The following LHFPL2 variants were observed in gnomAD, a reference collection of about 807,000 sequenced individuals.
LHFPL2 encodes LHFPL tetraspan subfamily member 2.
A neutral mutation model predicts 17.5 loss-of-function variants in LHFPL2; 7 were observed. That is an observed-to-expected ratio of 0.40 (90% CI 0.23 to 0.75). LHFPL2 has a LOEUF of 0.75. Among genes scored for constraint, LHFPL2 ranks in the 30% least tolerant of loss-of-function variants. The pLI, the probability that LHFPL2 is intolerant of heterozygous loss-of-function variation, is 0.37. For synonymous variants in LHFPL2, 134 were observed against 116.2 expected, an observed-to-expected ratio of 1.15 and a Z score of -0.99; for missense variants, 241 against 294.8, an observed-to-expected ratio of 0.82 and a Z score of 1.34.
chr5:78,575,276 C>T (rs970796540), intron 2 of LHFPL2, among the ~76,000 whole-genome samples: 2 of 152,192 alleles, frequency 1.3e-5, no homozygotes, highest in Non-Finnish European at 1.5e-5. Flanking sequence ...GGGCCAGGCA[C>T]AGTGGCCCTC....
At chr5:78,547,949 G>A (rs1269764440) in intron 3 of LHFPL2, among the ~76,000 whole-genome samples, 2 of 152,238 alleles carry the variant, frequency 1.3e-5, no homozygotes, top group African/African-American at 2.4e-5. Context: ...AGGAAAGGCC[G>A]CTACATCTCC....
intron 3 of LHFPL2, among the ~76,000 whole-genome samples, chr5:78,533,616 C>G (rs1178006194): frequency 6.6e-6 from 1 of 152,174 alleles, no homozygotes; most frequent in Non-Finnish European, 1.5e-5. Context: ...CTGGTCAGAG[C>G]ACCCTTTTAA....
chr5:78,622,391 C>G (rs539139000), intron 2 of LHFPL2, among the ~76,000 whole-genome samples: 55 of 152,356 alleles, frequency 3.6e-4, no homozygotes, highest in African/African-American at 1.3e-3. Flanking sequence ...TAGGTTCCCT[C>G]ATTTAATCCT....
At chr5:78,531,942 T>G (rs1755796788) in intron 3 of LHFPL2, among the ~76,000 whole-genome samples, 1 of 151,266 alleles carries the variant, frequency 6.6e-6, no homozygotes, top group South Asian at 2.1e-4. Context: ...TTTTTTTTTT[T>G]GAGACAGAGT....
At chr5:78,603,825 A>C (rs1744114710) in intron 2 of LHFPL2, among the ~76,000 whole-genome samples, 1 of 152,246 alleles carries the variant, frequency 6.6e-6, no homozygotes, top group Admixed American at 6.5e-5. Context: ...ATTTGGGGTT[A>C]GCTAAGTACA....
At chr5:78,600,669 G>A (rs1039989686) in intron 2 of LHFPL2, among the ~76,000 whole-genome samples, 4 of 152,136 alleles carry the variant, frequency 2.6e-5, no homozygotes, top group Non-Finnish European at 4.4e-5. Context: ...TGGAGGCTGC[G>A]GTGAGCCAAG....
At chr5:78,562,115 G>A (rs1353431374) in intron 3 of LHFPL2, among the ~76,000 whole-genome samples, 3 of 152,142 alleles carry the variant, frequency 2.0e-5, no homozygotes, top group Non-Finnish European at 2.9e-5. Context: ...CCAGTGCCAG[G>A]GAACAGGCAG....
At chr5:78,641,860 T>G (rs1390240720) in intron 1 of LHFPL2, 1 of 151,904 alleles carries the variant, frequency 6.6e-6, no homozygotes, top group Non-Finnish European at 1.5e-5. Context: ...AAGTTCATCT[T>G]ACATTTTCTT....
chr5:78,502,669 T>C (rs950138415), intron 4 of LHFPL2, among the ~76,000 whole-genome samples: 5 of 151,514 alleles, frequency 3.3e-5, no homozygotes, highest in Admixed American at 6.6e-5. Flanking sequence ...CTGCAAAATG[T>C]AATGTGTAAC....
At chr5:78,609,979 G>A (rs1744361974) in intron 2 of LHFPL2, among the ~76,000 whole-genome samples, 1 of 152,098 alleles carries the variant, frequency 6.6e-6, no homozygotes, top group Non-Finnish European at 1.5e-5. Context: ...TCCTGCCCTG[G>A]GCAGCAGCTC....
intron 2 of LHFPL2, among the ~76,000 whole-genome samples, chr5:78,599,624 G>A (rs1265642081): frequency 6.6e-6 from 1 of 151,876 alleles, no homozygotes; most frequent in Non-Finnish European, 1.5e-5. Flanking sequence ...CTACCAGGTA[G>A]AGCATTATTA....
chr5:78,632,803 G>GTA (rs531555023), intron 1 of LHFPL2, among the ~76,000 whole-genome samples: 4 of 152,236 alleles, frequency 2.6e-5, no homozygotes, highest in Admixed American at 2.6e-4. Flanking sequence ...AAATACAAGG[G>GTA]TATATATGAG....
At chr5:78,532,240 A>C (rs1476861245) in intron 3 of LHFPL2, among the ~76,000 whole-genome samples, 1 of 151,628 alleles carries the variant, frequency 6.6e-6, no homozygotes, top group African/African-American at 2.4e-5. Context: ...TTGTATTTTT[A>C]GTAGAGATGG....
intron 4 of LHFPL2, among the ~76,000 whole-genome samples, chr5:78,507,337 A>AG (rs1561310869): frequency 1.3e-5 from 2 of 152,036 alleles, no homozygotes; most frequent in Non-Finnish European, 2.9e-5. Context: ...CTTAAAAAAA[A>AG]AAAAGAAAAG....
At chr5:78,645,605 T>G (rs1745843728) in intron 1 of LHFPL2, among the ~76,000 whole-genome samples, 1 of 149,774 alleles carries the variant, frequency 6.7e-6, no homozygotes, top group African/African-American at 2.5e-5. Context: ...TTTTTTGAGA[T>G]AGCGTCTTGC....
intron 1 of LHFPL2, among the ~76,000 whole-genome samples, chr5:78,641,005 A>T (rs1745643157): frequency 1.3e-5 from 2 of 152,208 alleles, no homozygotes. Flanking sequence ...GGACATGAAA[A>T]CAAGAGTTAG....
At chr5:78,512,245 G>A (rs916428198) in intron 3 of LHFPL2, among the ~76,000 whole-genome samples, 4 of 152,172 alleles carry the variant, frequency 2.6e-5, no homozygotes, top group Admixed American at 2.6e-4. Flanking sequence ...GATGGACGAA[G>A]TCATTCATGT....
chr5:78,621,966 C>T (rs915437587), intron 2 of LHFPL2, among the ~76,000 whole-genome samples: 4 of 152,056 alleles, frequency 2.6e-5, no homozygotes, highest in East Asian at 1.9e-4. Flanking sequence ...GTGTTCCTCC[C>T]GAGAAACACA....
At chr5:78,567,053 C>T (rs939211532) in intron 2 of LHFPL2, among the ~76,000 whole-genome samples, 1 of 152,130 alleles carries the variant, frequency 6.6e-6, no homozygotes, top group Non-Finnish European at 1.5e-5. Flanking sequence ...CCTTTTTTTA[C>T]ATATAAACCA....
Sources: allele counts gnomAD v4.1 joint callset (sites outside exome capture counted in the v4.1 genomes callset), GRCh38; gene constraint gnomAD v4.1.1; transcripts MANE v1.5; gene names NCBI Gene and HGNC (gene_info 2026-07-23, HGNC 2026-07-21).